The following CBFA2T2 variants were observed in gnomAD, a reference collection of about 807,000 sequenced individuals.
The protein encoded by CBFA2T2 is CBFA2/RUNX1 partner transcriptional co-repressor 2, also known as protein CBFA2T2.
CBFA2T2 carries 11 observed loss-of-function variants against 62.2 expected under a neutral mutation model. That is an observed-to-expected ratio of 0.18 (90% CI 0.11 to 0.29). The LOEUF (loss-of-function observed/expected upper bound fraction) is 0.29, where lower values mean the gene tolerates loss of function less well. Among genes scored for constraint, CBFA2T2 ranks in the 10% least tolerant of loss-of-function variants. The pLI is 1.00. For missense variants in CBFA2T2, 592 were observed against 774.1 expected (o/e 0.76, Z 2.79); for synonymous variants, 295 against 287.5 (o/e 1.03, Z -0.27).
intron 1 of CBFA2T2, among the ~76,000 whole-genome samples, chr20:33,595,977 TTCACAG>T (rs2014867322): frequency 6.6e-6 from 1 of 152,362 alleles, no homozygotes; most frequent in South Asian, 2.1e-4. Context: ...AAAATCAGGA[TTCACAG>T]TCACAGTTTC....
chr20:33,590,130 C>T (rs528370917), intron 1 of CBFA2T2, among the ~76,000 whole-genome samples: 1 of 151,674 alleles, frequency 6.6e-6, no homozygotes, highest in East Asian at 1.9e-4. Context: ...CCTATAGTTC[C>T]AGCTACTTGG....
At chr20:33,631,305 C>A (rs1372029731) in intron 8 of CBFA2T2, among the ~76,000 whole-genome samples, 1 of 152,192 alleles carries the variant, frequency 6.6e-6, no homozygotes, top group Non-Finnish European at 1.5e-5. Context: ...CAGAGCAAGA[C>A]TCCATCTCAA....
intron 1 of CBFA2T2, among the ~76,000 whole-genome samples, chr20:33,494,273 A>ATAT (rs1568783119): frequency 4.7e-4 from 10 of 21,360 alleles, no homozygotes; most frequent in African/African-American, 1.9e-3. Context: ...ATATATATAT[A>ATAT]TTTTTTTTTT....
rs954550684 is a variant in CBFA2T2 at position 33,611,347 on chromosome 20, C to T, written c.420+12C>T. On this transcript the variant is annotated intron_variant, in intron 3 of 10. Coordinates refer to ENST00000342704, the MANE Select transcript of CBFA2T2 (RefSeq NM_001032999.3). The stretch of plus-strand genomic sequence containing the variant: ...TTCTTGCACTGGTGGTAAGTACAGC[C>T]TCACTGTTGTTCTCAGCTGCCTGAG... 1.2e-6 allele frequency: 2 copies of T among 1,611,814 alleles called. No homozygotes were observed. The highest frequency in any genetic ancestry group is 1.7e-5 in the Admixed American group (1 of 59,986).
chr20:33,508,676 G>A (rs142987534), intron 1 of CBFA2T2, among the ~76,000 whole-genome samples: 6 of 152,256 alleles, frequency 3.9e-5, no homozygotes, highest in Non-Finnish European at 7.4e-5. Context: ...AAAACATGCG[G>A]TATTTGCTTT....
At chr20:33,581,689 C>T (rs2014121662) in intron 1 of CBFA2T2, among the ~76,000 whole-genome samples, 1 of 152,186 alleles carries the variant, frequency 6.6e-6, no homozygotes, top group Admixed American at 6.5e-5. Context: ...ATTTTAACCA[C>T]ATGTGATTGG....
chr20:33,496,166 AG>A (rs1252650483), intron 1 of CBFA2T2, among the ~76,000 whole-genome samples: 1 of 152,200 alleles, frequency 6.6e-6, no homozygotes, highest in East Asian at 1.9e-4. Context: ...TTAAAGGAGA[AG>A]GGAGGCTTTT....
intron 6 of CBFA2T2, among the ~76,000 whole-genome samples, chr20:33,625,550 A>T (rs931554930): frequency 2.0e-5 from 3 of 152,222 alleles, no homozygotes; most frequent in Admixed American, 1.3e-4. Context: ...AAAGCAAAGG[A>T]GGTAAAATGT....
At chr20:33,505,234 G>A (rs932833306) in intron 1 of CBFA2T2, among the ~76,000 whole-genome samples, 1 of 152,132 alleles carries the variant, frequency 6.6e-6, no homozygotes, top group Admixed American at 6.5e-5. Context: ...AGGAAGATAT[G>A]GGTGTCATCC....
chr20:33,502,817 G>A (rs545938548), intron 1 of CBFA2T2, among the ~76,000 whole-genome samples: 16 of 149,966 alleles, frequency 1.1e-4, no homozygotes, highest in Admixed American at 3.3e-4. Context: ...GAGGCCGGGC[G>A]CGGTGGCTCA....
chr20:33,607,083 C>A lies in CBFA2T2; in HGVS notation c.162C>A (p.Ser54=), dbSNP rs2015369018. The A allele has an allele frequency of 6.2e-7, 1 of 1,614,006 alleles. No homozygotes were observed. Among genetic ancestry groups the A allele is most frequent in the Non-Finnish European group, 8.5e-7 (1 of 1,179,904 alleles). Residue 54 remains serine, a synonymous_variant, in exon 2 of 11, where the codon TCC becomes TCA. Transcript: ENST00000342704. ...ATCCTGGAGGACCGAGGCCAGTGTC[C>A]TTCACTCCTACTGCATGTGAGACCT... is the stretch of plus-strand genomic sequence containing the variant. ...PINPGGPRPV[S]FTPTALSNGI... is the part of the protein sequence containing the mutation.
At chr20:33,613,379 G>T (rs1396597773) in intron 3 of CBFA2T2, among the ~76,000 whole-genome samples, 2 of 152,238 alleles carry the variant, frequency 1.3e-5, no homozygotes, top group Non-Finnish European at 2.9e-5. Flanking sequence ...TCACAGCTAA[G>T]ATCTATTACA....
chr20:33,529,769 A>ATTTCTT (rs2011998175), intron 1 of CBFA2T2, among the ~76,000 whole-genome samples: 2 of 109,810 alleles, frequency 1.8e-5, no homozygotes, highest in Admixed American at 8.5e-5. Context: ...ATATATATAT[A>ATTTCTT]TATATATATA....
At chr20:33,582,306 T>A (rs1417979868) in intron 1 of CBFA2T2, among the ~76,000 whole-genome samples, 1 of 149,410 alleles carries the variant, frequency 6.7e-6, no homozygotes, top group Admixed American at 6.7e-5. Flanking sequence ...CTGGCCAACA[T>A]GGTGAGACCC....
chr20:33,516,361 T>C (rs1388028855), intron 1 of CBFA2T2, among the ~76,000 whole-genome samples: 8 of 152,050 alleles, frequency 5.3e-5, no homozygotes, highest in Non-Finnish European at 1.5e-5. Flanking sequence ...TTCCAGCTAC[T>C]CAGGAGGCTG....
intron 1 of CBFA2T2, among the ~76,000 whole-genome samples, chr20:33,495,380 C>G (rs1051130938): frequency 4.8e-5 from 5 of 104,796 alleles, no homozygotes; most frequent in Non-Finnish European, 7.5e-5. Flanking sequence ...GAGGGAAACT[C>G]TATCTCAAAA....
At chr20:33,565,921 TATTTA>T (rs2013292491) in intron 1 of CBFA2T2, among the ~76,000 whole-genome samples, 2 of 152,200 alleles carry the variant, frequency 1.3e-5, no homozygotes, top group Admixed American at 1.3e-4. Flanking sequence ...TGAACGAATG[TATTTA>T]ATACACAACT....
intron 6 of CBFA2T2, 86 bp downstream of exon 6, chr20:33,625,103 CT>C: frequency 7.7e-7 from 1 of 1,305,346 alleles, no homozygotes; most frequent in Non-Finnish European, 1.1e-6. Flanking sequence ...AATATGATTG[CT>C]TTTTCCCACT....
At chr20:33,630,889 C>T (rs2016421716) in intron 8 of CBFA2T2, among the ~76,000 whole-genome samples, 1 of 152,238 alleles carries the variant, frequency 6.6e-6, no homozygotes, top group Non-Finnish European at 1.5e-5. Flanking sequence ...GTTAAAGGCT[C>T]ACCTTTCCCC....
Sources: allele counts gnomAD v4.1 joint callset (sites outside exome capture counted in the v4.1 genomes callset), GRCh38; gene constraint gnomAD v4.1.1; transcripts MANE v1.5; gene names NCBI Gene and HGNC (gene_info 2026-07-23, HGNC 2026-07-21).